The following ZBTB44 variants were observed in gnomAD, a reference collection of about 807,000 sequenced individuals.
The protein encoded by ZBTB44 is zinc finger and BTB domain-containing protein 44.
Under a neutral mutation model 54.0 loss-of-function variants are expected in ZBTB44, and 15 were observed. The ratio of observed to expected loss-of-function variants is 0.28; its 90% CI spans 0.19 to 0.43. ZBTB44 has a LOEUF of 0.43. ZBTB44 is among the 20% of genes least tolerant of loss of function. The pLI, the probability that ZBTB44 is intolerant of heterozygous loss-of-function variation, is 1.00. For missense variants in ZBTB44, 487 were observed against 707.1 expected, an observed-to-expected ratio of 0.69 and a Z score of 3.53; for synonymous variants, 230 against 250.1, an observed-to-expected ratio of 0.92 and a Z score of 0.76.
intron 1 of ZBTB44, among the ~76,000 whole-genome samples, chr11:130,303,698 A>C (rs1942108172): frequency 6.6e-6 from 1 of 152,194 alleles, no homozygotes; most frequent in African/African-American, 2.4e-5. Context: ...ATCATTTAAT[A>C]CCTGTAGAAG....
chr11:130,266,853 A>T (rs542027657), intron 1 of ZBTB44, among the ~76,000 whole-genome samples: 18 of 152,352 alleles, frequency 1.2e-4, no homozygotes, highest in Non-Finnish European at 2.5e-4. Flanking sequence ...CTCCTGGTGA[A>T]GATACTAGGA....
At chr11:130,254,570 A>G (rs1938287124) in intron 2 of ZBTB44, among the ~76,000 whole-genome samples, 1 of 152,188 alleles carries the variant, frequency 6.6e-6, no homozygotes. Context: ...AAAAGTCAGG[A>G]AACAACAGGT....
chr11:130,298,149 A>AT (rs59096083), intron 1 of ZBTB44, among the ~76,000 whole-genome samples: 1,757 of 147,696 alleles, frequency 0.012, 17 homozygotes, highest in African/African-American at 0.033. Context: ...ATAATTGATG[A>AT]TTTTTTTTTT....
chr11:130,239,992 A>G (rs1382302208), intron 2 of ZBTB44, 96 bp from the exon 3 acceptor site: 5 of 775,354 alleles, frequency 6.4e-6, no homozygotes, highest in Non-Finnish European at 1.1e-5. Context: ...TCTGACATAT[A>G]TTATCTAGTG....
intron 4 of ZBTB44, 22 bp from the exon 5 acceptor site, chr11:130,237,115 A>G (rs956578677): frequency 2.1e-6 from 3 of 1,459,946 alleles, no homozygotes; most frequent in Admixed American, 2.6e-5. Flanking sequence ...GCAAAACAAA[A>G]TATCTAAAAA....
intron 1 of ZBTB44, among the ~76,000 whole-genome samples, chr11:130,303,453 T>C (rs920124479): frequency 2.0e-5 from 3 of 152,098 alleles, no homozygotes; most frequent in Admixed American, 1.3e-4. Context: ...CTGACCAACA[T>C]GGAGAAACCC....
intron 2 of ZBTB44, among the ~76,000 whole-genome samples, chr11:130,240,504 T>C (rs1329831898): frequency 6.6e-6 from 1 of 150,554 alleles, no homozygotes; most frequent in Non-Finnish European, 1.5e-5. Context: ...ACTGAGTAAT[T>C]AACCATTTAA....
chr11:130,309,337 G>A (rs573857024), intron 1 of ZBTB44, among the ~76,000 whole-genome samples: 3 of 152,326 alleles, frequency 2.0e-5, no homozygotes, highest in African/African-American at 7.2e-5. Flanking sequence ...GATGAACACA[G>A]GAAAACACAC....
At chr11:130,276,701 T>A (rs921133123) in intron 1 of ZBTB44, among the ~76,000 whole-genome samples, 1 of 152,196 alleles carries the variant, frequency 6.6e-6, no homozygotes, top group African/African-American at 2.4e-5. Context: ...AGTGCTGGGA[T>A]TACAGGTGTT....
chr11:130,250,186 A>G (rs1937884808), intron 2 of ZBTB44, among the ~76,000 whole-genome samples: 1 of 152,202 alleles, frequency 6.6e-6, no homozygotes, highest in Non-Finnish European at 1.5e-5. Flanking sequence ...AGTGTGGCAC[A>G]GTGGCTATGG....
At chr11:130,246,056 A>G (rs991541205) in intron 2 of ZBTB44, among the ~76,000 whole-genome samples, 4 of 152,192 alleles carry the variant, frequency 2.6e-5, no homozygotes, top group Non-Finnish European at 5.9e-5. Flanking sequence ...CTAAAAATGA[A>G]AGCCACTCCA....
chr11:130,300,331 T>G (rs548211746), intron 1 of ZBTB44, among the ~76,000 whole-genome samples: 2 of 151,462 alleles, frequency 1.3e-5, no homozygotes, highest in African/African-American at 4.9e-5. Context: ...TACGTGTATT[T>G]CACCACACAC....
intron 2 of ZBTB44, among the ~76,000 whole-genome samples, chr11:130,253,930 T>G (rs1402143516): frequency 6.6e-6 from 1 of 152,202 alleles, no homozygotes; most frequent in Non-Finnish European, 1.5e-5. Flanking sequence ...TACAACCATC[T>G]GATCTTTGAC....
intron 2 of ZBTB44, among the ~76,000 whole-genome samples, chr11:130,243,327 G>C (rs1954471207): frequency 6.6e-6 from 1 of 152,102 alleles, no homozygotes; most frequent in African/African-American, 2.4e-5. Flanking sequence ...ATTATTTGTA[G>C]GAAATTGAGT....
At chr11:130,289,481 C>CAAAA (rs796256653) in intron 1 of ZBTB44, among the ~76,000 whole-genome samples, 1 of 64,598 alleles carries the variant, frequency 1.5e-5, no homozygotes, top group Non-Finnish European at 3.7e-5. Flanking sequence ...GACTCTGCCT[C>CAAAA]AAAAAAAAAA....
intron 1 of ZBTB44, among the ~76,000 whole-genome samples, chr11:130,288,822 G>A (rs1009844364): frequency 7.3e-5 from 11 of 151,408 alleles, no homozygotes; most frequent in South Asian, 2.1e-4. Context: ...GCTTGAACCC[G>A]GGAGGCGGAG....
At chr11:130,249,790 AC>A (rs1937845140) in intron 2 of ZBTB44, among the ~76,000 whole-genome samples, 1 of 152,184 alleles carries the variant, frequency 6.6e-6, no homozygotes, top group Non-Finnish European at 1.5e-5. Flanking sequence ...CTCGTGTGCT[AC>A]ATCACTAGGG....
intron 1 of ZBTB44, among the ~76,000 whole-genome samples, chr11:130,271,341 AC>A (rs1939655843): frequency 6.6e-6 from 1 of 152,220 alleles, no homozygotes; most frequent in African/African-American, 2.4e-5. Flanking sequence ...TCTCAAAAAA[AC>A]TATAAACTCA....
At chr11:130,265,844 G>T (rs978421262) in intron 1 of ZBTB44, among the ~76,000 whole-genome samples, 3 of 152,204 alleles carry the variant, frequency 2.0e-5, no homozygotes, top group Admixed American at 1.3e-4. Context: ...AGCAGAAGTT[G>T]ATTCATGAGG....
Sources: allele counts gnomAD v4.1 joint callset (sites outside exome capture counted in the v4.1 genomes callset), GRCh38; gene constraint gnomAD v4.1.1; transcripts MANE v1.5; gene names NCBI Gene and HGNC (gene_info 2026-07-23, HGNC 2026-07-21).